Variants in CACNB2 observed in about 807,000 individuals in gnomAD.
CACNB2 encodes the protein voltage-dependent L-type calcium channel subunit beta-2.
Under a neutral mutation model 73.3 loss-of-function variants are expected in CACNB2, and 42 were observed. That is an observed-to-expected ratio of 0.57 (90% CI 0.45 to 0.74). CACNB2 has a LOEUF of 0.74. Ranked by LOEUF, CACNB2 falls within the 30% of genes least tolerant of loss-of-function variation. The pLI, the probability that CACNB2 is intolerant of heterozygous loss-of-function variation, is 0.00. For synonymous variants in CACNB2, 348 were observed against 310.3 expected, an observed-to-expected ratio of 1.12 and a Z score of -1.28; for missense variants, 940 against 853.0, an observed-to-expected ratio of 1.10 and a Z score of -1.27.
intron 2 of CACNB2, among the ~76,000 whole-genome samples, chr10:18,248,331 G>A (rs1174456756): frequency 2.6e-5 from 4 of 152,180 alleles, no homozygotes; most frequent in African/African-American, 7.2e-5. Flanking sequence ...TTTGGTGAGT[G>A]TCTGATTCAT....
intron 2 of CACNB2, among the ~76,000 whole-genome samples, chr10:18,323,270 T>A (rs1283493504): frequency 1.3e-5 from 2 of 152,118 alleles, no homozygotes; most frequent in Non-Finnish European, 2.9e-5. Context: ...CTCCTTGTTT[T>A]TCTTTATTAT....
At chr10:18,156,755 G>A (rs1929423) in intron 2 of CACNB2, among the ~76,000 whole-genome samples, 5,105 of 152,126 alleles carry the variant, frequency 0.034, 92 homozygotes, top group Non-Finnish European at 0.038. Context: ...TGGGCTGGGC[G>A]TGGTGGCTCA....
At chr10:18,236,251 C>G (rs1409753492) in intron 2 of CACNB2, among the ~76,000 whole-genome samples, 3 of 152,152 alleles carry the variant, frequency 2.0e-5, no homozygotes, top group Admixed American at 6.5e-5. Flanking sequence ...GTCACTCTGT[C>G]TACTTACAAG....
chr10:18,239,492 G>T (rs943965469), intron 2 of CACNB2, among the ~76,000 whole-genome samples: 1 of 152,106 alleles, frequency 6.6e-6, no homozygotes, highest in Non-Finnish European at 1.5e-5. Context: ...TAAGGGTTGG[G>T]TAGTATTCCC....
chr10:18,386,938 A>G (rs777642820), intron 2 of CACNB2, among the ~76,000 whole-genome samples: 2 of 152,210 alleles, frequency 1.3e-5, no homozygotes, highest in Non-Finnish European at 2.9e-5. Flanking sequence ...GATCCCAGGT[A>G]TTCATCCAGA....
At chr10:18,443,471 A>G (rs2046576863) in intron 3 of CACNB2, among the ~76,000 whole-genome samples, 1 of 152,112 alleles carries the variant, frequency 6.6e-6, no homozygotes, top group South Asian at 2.1e-4. Context: ...TTCTCCTGCT[A>G]TGGGTTATTG....
At chr10:18,417,679 C>A (rs191605080) in intron 3 of CACNB2, among the ~76,000 whole-genome samples, 2 of 152,162 alleles carry the variant, frequency 1.3e-5, no homozygotes, top group East Asian at 3.9e-4. Context: ...TAAAGGAAGA[C>A]CTTCCAGGAT....
chr10:18,470,288 G>A (rs984706694), intron 3 of CACNB2, among the ~76,000 whole-genome samples: 2 of 150,114 alleles, frequency 1.3e-5, no homozygotes, highest in Admixed American at 6.7e-5. Flanking sequence ...GGAGTTTGAG[G>A]TTGGCCTGGC....
At chr10:18,380,263 A>G (rs2042959091) in intron 2 of CACNB2, among the ~76,000 whole-genome samples, 1 of 139,890 alleles carries the variant, frequency 7.1e-6, no homozygotes, top group Non-Finnish European at 1.6e-5. Context: ...TGGCATTTTC[A>G]TTTTGTTTTT....
At chr10:18,270,395 G>A (rs1238235893) in intron 2 of CACNB2, among the ~76,000 whole-genome samples, 2 of 151,994 alleles carry the variant, frequency 1.3e-5, no homozygotes, top group African/African-American at 4.8e-5. Flanking sequence ...CTCCTAACTG[G>A]TCACCCCATC....
chr10:18,401,684 A>G (rs1211236283), intron 2 of CACNB2, among the ~76,000 whole-genome samples: 1 of 152,174 alleles, frequency 6.6e-6, no homozygotes, highest in Non-Finnish European at 1.5e-5. Context: ...TCCAGGAAGG[A>G]TAGTTTTTTG....
intron 2 of CACNB2, among the ~76,000 whole-genome samples, chr10:18,327,673 C>G (rs1381796704): frequency 6.6e-6 from 1 of 152,228 alleles, no homozygotes. Context: ...GTCTGCCCAC[C>G]TCGGCCTCCC....
At chr10:18,443,010 ATATG>A (rs796942743) in intron 3 of CACNB2, among the ~76,000 whole-genome samples, 1 of 33,536 alleles carries the variant, frequency 3.0e-5, no homozygotes, top group Non-Finnish European at 5.2e-5. Context: ...GTATATATAT[ATATG>A]TATATATATA....
At chr10:18,142,784 A>G (rs995779931) in intron 1 of CACNB2, among the ~76,000 whole-genome samples, 2 of 152,250 alleles carry the variant, frequency 1.3e-5, no homozygotes, top group African/African-American at 4.8e-5. Context: ...ATGTGAAAAG[A>G]CACAATTTCT....
intron 3 of CACNB2, among the ~76,000 whole-genome samples, chr10:18,455,029 C>A (rs2047207241): frequency 7.4e-6 from 1 of 134,664 alleles, no homozygotes. Flanking sequence ...CAGAGTGAGA[C>A]CCAATCTCTT....
chr10:18,188,469 T>A (rs779367741), intron 2 of CACNB2, among the ~76,000 whole-genome samples: 12 of 152,084 alleles, frequency 7.9e-5, no homozygotes, highest in Admixed American at 2.6e-4. Flanking sequence ...AATGCCAACA[T>A]GCCTGGCTAT....
chr10:18,247,177 C>G (rs1414320201), intron 2 of CACNB2, among the ~76,000 whole-genome samples: 1 of 152,178 alleles, frequency 6.6e-6, no homozygotes, highest in Non-Finnish European at 1.5e-5. Flanking sequence ...TTCTAAGTAG[C>G]AACCTCTGTG....
chr10:18,467,285 T>G (rs543964995), intron 3 of CACNB2, among the ~76,000 whole-genome samples: 1 of 152,364 alleles, frequency 6.6e-6, no homozygotes, highest in East Asian at 1.9e-4. Context: ...TGCCACAAGA[T>G]TCAAATATTT....
At position 18,514,345 on chromosome 10, in the gene CACNB2, G is replaced by A; in HGVS notation, c.780G>A (p.Glu260=). ...GTGTAACGTCACCCCACTCCAAAGA[G>A]AAAAGAATGCCCTTCTTTAAGAAGG... ...ANSVTSPHSK[E]KRMPFFKKTE... Residue 260 remains glutamate, a synonymous_variant, in exon 7 of 14, where the codon GAG becomes GAA. Coordinates refer to ENST00000324631, the MANE Select transcript of CACNB2 (RefSeq NM_201596.3). 1 of 1,614,126 alleles carries A rather than the reference G, an allele frequency of 6.2e-7. No individual in the cohort carries two copies. Among genetic ancestry groups the A allele is most frequent in the Non-Finnish European group, 8.5e-7 (1 of 1,180,012 alleles).
Sources: allele counts gnomAD v4.1 joint callset (sites outside exome capture counted in the v4.1 genomes callset), GRCh38; gene constraint gnomAD v4.1.1; transcripts MANE v1.5; gene names NCBI Gene and HGNC (gene_info 2026-07-23, HGNC 2026-07-21).